SAMM50: variants seen among roughly 807,000 people sequenced by gnomAD.
SAMM50 encodes the protein SAMM50 sorting and assembly machinery component.
SAMM50 carries 47 observed loss-of-function variants against 66.9 expected under a neutral mutation model. The ratio of observed to expected loss-of-function variants is 0.70; its 90% CI spans 0.56 to 0.90. The LOEUF (loss-of-function observed/expected upper bound fraction) is 0.90. SAMM50 is among the 40% of genes least tolerant of loss of function. The probability of loss-of-function intolerance (pLI) is 0.00; values close to 1 mark genes in which losing one functional copy is unlikely to be tolerated. For missense variants in SAMM50, 535 were observed against 595.3 expected (o/e 0.90, Z 1.05); for synonymous variants, 191 against 214.1 (o/e 0.89, Z 0.94).
intron 1 of SAMM50, among the ~76,000 whole-genome samples, chr22:43,961,789 C>G (rs1355982670): frequency 6.6e-6 from 1 of 152,042 alleles, no homozygotes; most frequent in Admixed American, 6.6e-5. Context: ...CATTATGTTG[C>G]CTAGCATGAT....
At chr22:43,981,314 G>T in intron 10 of SAMM50, 77 bp from the exon 11 acceptor site, 1 of 1,135,546 alleles carries the variant, frequency 8.8e-7, no homozygotes, top group Non-Finnish European at 1.3e-6. Flanking sequence ...TCAGTGTGTG[G>T]CCAGTTGCTA....
At chr22:43,996,314 A>G in intron 14 of SAMM50, 24 bp from the exon 15 acceptor site, 8 of 1,613,898 alleles carry the variant, frequency 5.0e-6, no homozygotes, top group Non-Finnish European at 6.8e-6. Context: ...CGGCCGCCGC[A>G]TCTGATCTCT....
chr22:43,970,674 G>A (rs193215690), intron 4 of SAMM50, among the ~76,000 whole-genome samples: 1 of 152,208 alleles, frequency 6.6e-6, no homozygotes, highest in Non-Finnish European at 1.5e-5. Flanking sequence ...GTCGGGGTAA[G>A]GAGAGGTTCA....
At position 43,955,605 on chromosome 22, in the gene SAMM50, G is replaced by A. The variant is rs976472146; in HGVS notation, c.21+7G>A. On this transcript the variant is annotated splice_region_variant and intron_variant, in intron 1 of 14. Transcript: ENST00000350028. The stretch of plus-strand genomic sequence containing the variant: ...GGGGACTGTGCACGCCCGGGTAAGA[G>A]GCCCAGCGACCCGCGGGCTGCGAGG... The A allele has an allele frequency of 4.4e-6, 7 of 1,594,054 alleles. No individual in the cohort carries two copies. The highest frequency in any genetic ancestry group is 5.1e-6 in the Non-Finnish European group (6 of 1,171,366).
chr22:43,987,880 A>AG lies in SAMM50; in HGVS notation c.1076-1230dup, dbSNP rs202058833. On this transcript the variant is annotated intron_variant, in intron 12 of 14. Transcript: ENST00000350028. Reference sequence around the variant, plus strand: ...TTACAATATATTAAAACTGAAAAAAAGTAGGACTGGAAACTGTGTATATAT... The same window carrying AG: ...TTACAATATATTAAAACTGAAAAAAAGGTAGGACTGGAAACTGTGTATATAT... 701 of 149,246 alleles carry AG rather than the reference A, an allele frequency of 4.7e-3. 2 individuals carry two copies. The highest frequency in any genetic ancestry group is 0.017 in the African/African-American group (670 of 39,770). 9.2% of individuals were successfully genotyped at this position (149,246 alleles called of 1,614,324 possible).
intron 14 of SAMM50, among the ~76,000 whole-genome samples, chr22:43,994,019 G>A (rs910810936): frequency 4.6e-5 from 7 of 152,210 alleles, no homozygotes; most frequent in South Asian, 2.1e-4. Flanking sequence ...AGGCAGGCTC[G>A]CTTGGGAGAG....
intron 14 of SAMM50, 30 bp from the exon 15 acceptor site, chr22:43,996,308 C>A (rs372160365): frequency 7.4e-6 from 12 of 1,613,460 alleles, no homozygotes; most frequent in Admixed American, 5.0e-5. Context: ...GCGGAGCGGC[C>A]GCCGCATCTG....
chr22:43,960,213 T>G (rs1018153944), intron 1 of SAMM50, among the ~76,000 whole-genome samples: 7 of 152,226 alleles, frequency 4.6e-5, no homozygotes, highest in African/African-American at 1.7e-4. Flanking sequence ...TTGAAAATAC[T>G]GCACAACAAA....
Position 43,968,737 on chromosome 22 carries a change from C to T in SAMM50, c.241C>T (p.Arg81Trp), listed in dbSNP as rs372186642. 1.2e-5 allele frequency: 20 copies of T among 1,608,304 alleles called. No homozygotes were observed. Among genetic ancestry groups the T allele is most frequent in the Admixed American group, 3.3e-5 (2 of 59,974 alleles). The change falls in exon 4 of 15, where the codon CGG becomes TGG. Residue 81 changes from arginine to tryptophan, a missense_variant. Arg to Trp is a moderately radical substitution (Grantham distance 101). Coordinates refer to ENST00000350028, the MANE Select transcript of SAMM50 (RefSeq NM_015380.5). ...FKAKNLIEVM[R>W]KSHEAREKLL... is the part of the protein sequence containing the mutation. ...TTCTTCCCCCATTTTATAGGTAATG[C>T]GGAAATCTCATGAAGCCCGTGAAAA...
At chr22:43,967,655 G>A (rs1047931057) in intron 3 of SAMM50, among the ~76,000 whole-genome samples, 6 of 152,180 alleles carry the variant, frequency 3.9e-5, no homozygotes, top group South Asian at 2.1e-4. Flanking sequence ...GCAGAATACC[G>A]CATTCGTCTG....
At chr22:43,966,524 A>T (rs929090010) in intron 3 of SAMM50, among the ~76,000 whole-genome samples, 1 of 151,962 alleles carries the variant, frequency 6.6e-6, no homozygotes, top group Non-Finnish European at 1.5e-5. Context: ...CACCCAGCTA[A>T]TTTTTTGTAT....
At chr22:43,955,711 C>A in intron 1 of SAMM50, 113 bp downstream of exon 1, 1 of 1,208,842 alleles carries the variant, frequency 8.3e-7, no homozygotes, top group Non-Finnish European at 1.2e-6. Flanking sequence ...AGAGAGGGTG[C>A]CAAGGGTGCC....
chr22:43,966,647 C>T (rs1349655210), intron 3 of SAMM50, among the ~76,000 whole-genome samples: 1 of 152,162 alleles, frequency 6.6e-6, no homozygotes, highest in Non-Finnish European at 1.5e-5. Context: ...TGAGCCACTG[C>T]ACCCGGCCCA....
chr22:43,969,900 A>G (rs2050195011), intron 4 of SAMM50, among the ~76,000 whole-genome samples: 1 of 152,206 alleles, frequency 6.6e-6, no homozygotes, highest in Non-Finnish European at 1.5e-5. Flanking sequence ...TTCCCACTTT[A>G]GTCAGAATTC....
At chr22:43,973,473 A>G in intron 7 of SAMM50, 150 bp downstream of exon 7, 2 of 596,734 alleles carry the variant, frequency 3.4e-6, no homozygotes, top group Non-Finnish European at 6.2e-6. Context: ...CCTCTTCTCT[A>G]GCCGAGTACA....
chr22:43,970,755 C>T (rs932666177), intron 4 of SAMM50, among the ~76,000 whole-genome samples: 11 of 151,412 alleles, frequency 7.3e-5, no homozygotes, highest in Admixed American at 2.0e-4. Flanking sequence ...TTTTTTTACC[C>T]GCAACCCACT....
chr22:43,955,610 A>G lies in SAMM50; in HGVS notation c.21+12A>G, dbSNP rs2050114850. 1 of 1,590,616 alleles carries G rather than the reference A, an allele frequency of 6.3e-7. No individual in the cohort carries two copies. Among genetic ancestry groups the G allele is most frequent in the South Asian group, 1.1e-5 (1 of 87,810 alleles). ...CTGTGCACGCCCGGGTAAGAGGCCC[A>G]GCGACCCGCGGGCTGCGAGGCCTCT... On this transcript the variant is annotated intron_variant, in intron 1 of 14. Transcript: ENST00000350028.
At position 43,990,281 on chromosome 22, in the gene SAMM50, T is replaced by C; in HGVS notation, c.1239T>C (p.Ala413=). 1 of 1,614,128 alleles carries C rather than the reference T, an allele frequency of 6.2e-7. No individual in the cohort carries two copies. The highest frequency in any genetic ancestry group is 8.5e-7 in the Non-Finnish European group (1 of 1,180,024). ...CNLNYGEGPK[A]HIRKLAECIR... is the part of the protein sequence containing the mutation. ...TCTTTTCAGGGGAGGGCCCCAAAGC[T>C]CATATTCGTAAGCTGGCTGAGTGCA... Residue 413 remains alanine, a synonymous_variant, in exon 14 of 15, where the codon GCT becomes GCC. Coordinates refer to ENST00000350028, the MANE Select transcript of SAMM50 (RefSeq NM_015380.5).
intron 3 of SAMM50, among the ~76,000 whole-genome samples, chr22:43,964,998 G>A (rs1022917440): frequency 6.6e-6 from 1 of 151,880 alleles, no homozygotes; most frequent in Non-Finnish European, 1.5e-5. Flanking sequence ...TTCCTGCACT[G>A]CACCCCGTTT....
Sources: gnomAD v4.1 joint callset for allele counts (sites outside exome capture counted in the v4.1 genomes callset) on GRCh38, gnomAD v4.1.1 for gene constraint, MANE v1.5 for transcripts, NCBI Gene and HGNC (gene_info 2026-07-23, HGNC 2026-07-21) for gene names.